Variants in JAM2 observed in about 807,000 individuals in gnomAD.
JAM2 encodes junctional adhesion molecule B.
Under a neutral mutation model 42.0 loss-of-function variants are expected in JAM2, and 17 were observed. The observed-to-expected ratio is 0.40, with a 90% confidence interval of 0.28 to 0.61. JAM2 has a LOEUF of 0.61. Among genes scored for constraint, JAM2 ranks in the 20% least tolerant of loss-of-function variants. The pLI, the probability that JAM2 is intolerant of heterozygous loss-of-function variation, is 0.37. For synonymous variants in JAM2, 118 were observed against 128.6 expected (o/e 0.92, Z 0.56); for missense variants, 319 against 358.3 (o/e 0.89, Z 0.89).
chr21:25,700,424 AG>A (rs1317513764), intron 5 of JAM2, among the ~76,000 whole-genome samples: 2 of 152,108 alleles, frequency 1.3e-5, no homozygotes, highest in Non-Finnish European at 2.9e-5. Flanking sequence ...GCATTGACGC[AG>A]TCTTGGCTCA....
At chr21:25,695,941 C>G (rs1162987923) in intron 4 of JAM2, among the ~76,000 whole-genome samples, 2 of 147,760 alleles carry the variant, frequency 1.4e-5, no homozygotes, top group South Asian at 4.3e-4. Flanking sequence ...ACATCCCAGA[C>G]GATGGGTGGC....
chr21:25,677,977 G>T (rs541276005), intron 1 of JAM2, among the ~76,000 whole-genome samples: 2 of 152,222 alleles, frequency 1.3e-5, no homozygotes, highest in East Asian at 3.9e-4. Context: ...AGTAGGCCAG[G>T]CGCGGTGGCA....
chr21:25,690,059 T>A, intron 3 of JAM2, 86 bp downstream of exon 3: 3 of 808,496 alleles, frequency 3.7e-6, no homozygotes, highest in Non-Finnish European at 6.3e-6. Context: ...AGATCGGACA[T>A]GACTGATTAC....
At chr21:25,658,008 G>T (rs1214568639) in intron 1 of JAM2, among the ~76,000 whole-genome samples, 1 of 152,134 alleles carries the variant, frequency 6.6e-6, no homozygotes, top group Non-Finnish European at 1.5e-5. Context: ...GTTGTTGAAG[G>T]TTTTGAAGAG....
intron 2 of JAM2, 49 bp downstream of exon 2, chr21:25,683,997 C>T (rs188697073): frequency 1.7e-5 from 20 of 1,157,884 alleles, no homozygotes; most frequent in East Asian, 1.2e-4. Context: ...AAATAACTCA[C>T]GAGAGTGACT....
intron 1 of JAM2, among the ~76,000 whole-genome samples, chr21:25,655,745 C>T (rs543127577): frequency 6.7e-6 from 1 of 148,350 alleles, no homozygotes; most frequent in South Asian, 2.1e-4. Flanking sequence ...ATCCGCCTGC[C>T]TTGGCCTCCC....
chr21:25,690,948 A>G (rs1267208287), intron 3 of JAM2, among the ~76,000 whole-genome samples: 2 of 152,214 alleles, frequency 1.3e-5, no homozygotes, highest in East Asian at 1.9e-4. Flanking sequence ...TATAATGTCC[A>G]TTTGCTTCAA....
chr21:25,708,903 T>C (rs760679959), intron 7 of JAM2, among the ~76,000 whole-genome samples: 15 of 152,290 alleles, frequency 9.8e-5, no homozygotes, highest in Non-Finnish European at 1.3e-4. Flanking sequence ...AAGAGAAGCA[T>C]ATTCTTGAAT....
intron 1 of JAM2, among the ~76,000 whole-genome samples, chr21:25,682,023 C>A (rs533740287): frequency 3.9e-4 from 60 of 152,276 alleles, no homozygotes; most frequent in Middle Eastern, 3.4e-3. Flanking sequence ...AGGAACTCTT[C>A]CTTAGTATCA....
intron 1 of JAM2, among the ~76,000 whole-genome samples, chr21:25,640,489 G>T (rs1185997934): frequency 1.3e-5 from 2 of 152,204 alleles, no homozygotes; most frequent in East Asian, 1.9e-4. Flanking sequence ...CTAGCCAGCT[G>T]CTCTGTCCTC....
chr21:25,664,523 T>C (rs1415632441), intron 1 of JAM2, among the ~76,000 whole-genome samples: 1 of 152,184 alleles, frequency 6.6e-6, no homozygotes, highest in Admixed American at 6.5e-5. Context: ...CGTCAGCCAC[T>C]GCGCCCAGCC....
At chr21:25,693,117 A>G (rs1034923290) in intron 3 of JAM2, among the ~76,000 whole-genome samples, 4 of 152,234 alleles carry the variant, frequency 2.6e-5, no homozygotes, top group African/African-American at 7.2e-5. Context: ...AACCTTACAC[A>G]TAAAGATTTC....
chr21:25,685,434 T>G (rs2033728530), intron 2 of JAM2, among the ~76,000 whole-genome samples: 1 of 142,362 alleles, frequency 7.0e-6, no homozygotes, highest in African/African-American at 2.7e-5. Context: ...GGCAGGTGGA[T>G]GGATCACTTG....
chr21:25,714,685 A>G lies in JAM2; in HGVS notation c.*13A>G. 1 of 1,490,648 alleles carries G rather than the reference A, an allele frequency of 6.7e-7. No homozygotes were observed. Among genetic ancestry groups the G allele is most frequent in the Non-Finnish European group, 9.0e-7 (1 of 1,111,968 alleles). The allele number at this position is 1,490,648 out of a possible 1,614,324, so 92.3% of individuals were successfully genotyped here. On this transcript the variant is annotated 3_prime_UTR_variant, in exon 10 of 10. Coordinates refer to ENST00000480456, the MANE Select transcript of JAM2 (RefSeq NM_021219.4). ...CTTTATAATTTAAAGACTCCACTTT[A>G]GAGATACACCAAAGCCACCGTTGTT...
chr21:25,648,210 C>CA (rs59902984), intron 1 of JAM2, among the ~76,000 whole-genome samples: 4,476 of 147,160 alleles, frequency 0.03, 216 homozygotes, highest in African/African-American at 0.1. Context: ...GATTCTGTCT[C>CA]AAAAAAAAAA....
chr21:25,682,100 C>G (rs556711396), intron 1 of JAM2, among the ~76,000 whole-genome samples: 1 of 152,310 alleles, frequency 6.6e-6, no homozygotes, highest in African/African-American at 2.4e-5. Context: ...CTCATTTATT[C>G]AACAAACATT....
chr21:25,662,829 A>G (rs1358874127), intron 1 of JAM2, among the ~76,000 whole-genome samples: 2 of 152,208 alleles, frequency 1.3e-5, no homozygotes, highest in Non-Finnish European at 2.9e-5. Context: ...ACAGACATTT[A>G]ATTACTTCCT....
chr21:25,647,373 T>G (rs1406330959), intron 1 of JAM2, among the ~76,000 whole-genome samples: 3 of 152,200 alleles, frequency 2.0e-5, no homozygotes, highest in Non-Finnish European at 2.9e-5. Context: ...ATAAGCATAC[T>G]CTTATAATTT....
At chr21:25,685,503 C>T (rs1417864534) in intron 2 of JAM2, among the ~76,000 whole-genome samples, 1 of 28,378 alleles carries the variant, frequency 3.5e-5, no homozygotes, top group East Asian at 9.6e-4. Context: ...CCAGCCTGGA[C>T]AACAAAGAGA....
Sources: gnomAD v4.1 joint callset for allele counts (sites outside exome capture counted in the v4.1 genomes callset) on GRCh38, gnomAD v4.1.1 for gene constraint, MANE v1.5 for transcripts, NCBI Gene and HGNC (gene_info 2026-07-23, HGNC 2026-07-21) for gene names.